PIGU: variants seen among roughly 807,000 people sequenced by gnomAD.
PIGU encodes the protein GPI-anchor transamidase component PIGU.
PIGU carries 24 observed loss-of-function variants against 49.9 expected under a neutral mutation model. That is an observed-to-expected ratio of 0.48 (90% CI 0.35 to 0.68). The LOEUF (loss-of-function observed/expected upper bound fraction) is 0.68. Ranked by LOEUF, PIGU falls within the 30% of genes least tolerant of loss-of-function variation. The pLI, the probability that PIGU is intolerant of heterozygous loss-of-function variation, is 0.01. For missense variants in PIGU, 490 were observed against 532.6 expected (o/e 0.92, Z 0.79); for synonymous variants, 220 against 205.7 (o/e 1.07, Z -0.59).
At chr20:34,611,428 T>G (rs1353885859) in intron 7 of PIGU, among the ~76,000 whole-genome samples, 2 of 151,708 alleles carry the variant, frequency 1.3e-5, no homozygotes, top group Non-Finnish European at 2.9e-5. Flanking sequence ...AGGCAGATCA[T>G]GAGGTCAGGA....
intron 4 of PIGU, among the ~76,000 whole-genome samples, chr20:34,642,445 T>G (rs1330722617): frequency 6.6e-6 from 1 of 151,794 alleles, no homozygotes; most frequent in Non-Finnish European, 1.5e-5. Flanking sequence ...AGCAAAAAAT[T>G]GTTTTAACTA....
chr20:34,598,384 A>C (rs1182705844), intron 7 of PIGU, among the ~76,000 whole-genome samples: 1 of 152,188 alleles, frequency 6.6e-6, no homozygotes, highest in East Asian at 1.9e-4. Flanking sequence ...GGTAGAGAAC[A>C]GCCAAGTCAA....
At chr20:34,630,701 C>T (rs139511757) in intron 6 of PIGU, among the ~76,000 whole-genome samples, 19 of 152,152 alleles carry the variant, frequency 1.2e-4, no homozygotes, top group African/African-American at 4.6e-4. Flanking sequence ...AGCTGGAGTA[C>T]AGTGGCACAA....
chr20:34,666,645 G>A (rs919173613), intron 1 of PIGU, among the ~76,000 whole-genome samples: 4 of 146,236 alleles, frequency 2.7e-5, no homozygotes, highest in Non-Finnish European at 3.0e-5. Flanking sequence ...AGCCTCCCAC[G>A]TAGCTGGGAC....
intron 7 of PIGU, among the ~76,000 whole-genome samples, chr20:34,610,003 G>A (rs970442219): frequency 1.3e-5 from 2 of 152,134 alleles, no homozygotes; most frequent in Admixed American, 6.5e-5. Context: ...CTTCCCCTTC[G>A]GCTATATTTG....
chr20:34,588,349 C>T, intron 8 of PIGU, 104 bp downstream of exon 8: 1 of 1,016,354 alleles, frequency 9.8e-7, no homozygotes, highest in Non-Finnish European at 1.4e-6. Context: ...AATGTTCATA[C>T]AGTTTTCCAT....
intron 7 of PIGU, among the ~76,000 whole-genome samples, chr20:34,596,262 A>T (rs1984193912): frequency 6.6e-6 from 1 of 152,262 alleles, no homozygotes; most frequent in Non-Finnish European, 1.5e-5. Context: ...AAATAACTTC[A>T]CAAGTCATGA....
intron 7 of PIGU, among the ~76,000 whole-genome samples, chr20:34,603,850 T>G (rs1238570564): frequency 1.2e-5 from 1 of 82,188 alleles, no homozygotes; most frequent in African/African-American, 4.8e-5. Context: ...TTCTAGACCT[T>G]TTAGTGGACA....
intron 6 of PIGU, among the ~76,000 whole-genome samples, chr20:34,622,471 C>T (rs1985278708): frequency 6.6e-6 from 1 of 151,894 alleles, no homozygotes; most frequent in African/African-American, 2.4e-5. Context: ...GAGCCGAGAT[C>T]ACGCCACTGC....
chr20:34,645,972 A>G (rs1032649784), intron 2 of PIGU, among the ~76,000 whole-genome samples: 1 of 152,220 alleles, frequency 6.6e-6, no homozygotes, highest in Admixed American at 6.5e-5. Context: ...GTTCTAAGAC[A>G]TATATAATAG....
In PIGU at chr20:34,656,149, T is replaced by C. The variant is rs1383046341; in HGVS notation, c.195+1031A>G. On this transcript the variant is annotated intron_variant, in intron 2 of 11. Transcript: ENST00000217446. ...CCACCATGCCCAGCTATTTTTTGTATGTTTAGTAGAGCTGGGGGTTTACCA... is the reference window on the plus strand; with the variant it reads ...CCACCATGCCCAGCTATTTTTTGTACGTTTAGTAGAGCTGGGGGTTTACCA... Among the ~76,000 whole-genome samples the C allele has an allele frequency of 4.3e-5, 5 of 116,144 alleles. 2 individuals are homozygous for C. The highest frequency in any genetic ancestry group is 1.6e-4 in the African/African-American group (5 of 31,228). The allele number at this position is 116,144 out of a possible 152,430, so 76.2% of individuals were successfully genotyped here.
intron 11 of PIGU, among the ~76,000 whole-genome samples, chr20:34,569,932 A>G (rs1376631899): frequency 1.3e-5 from 2 of 151,846 alleles, no homozygotes; most frequent in African/African-American, 4.8e-5. Flanking sequence ...GGATAAATAC[A>G]CCCCTTCACA....
intron 7 of PIGU, 149 bp from the exon 8 acceptor site, chr20:34,588,756 T>C: frequency 8.4e-6 from 6 of 713,152 alleles, no homozygotes; most frequent in Non-Finnish European, 1.3e-5. Context: ...AAGAAGGATG[T>C]AAGTGTTAAA....
intron 11 of PIGU, among the ~76,000 whole-genome samples, chr20:34,561,939 C>T (rs1304828406): frequency 6.6e-6 from 1 of 152,196 alleles, no homozygotes; most frequent in East Asian, 1.9e-4. Context: ...AGCTGACAGC[C>T]TGACTGTGCC....
chr20:34,653,869 T>A (rs1458022996), intron 2 of PIGU, among the ~76,000 whole-genome samples: 1 of 152,066 alleles, frequency 6.6e-6, no homozygotes, highest in Admixed American at 6.5e-5. Flanking sequence ...CTTTCTTTTT[T>A]TTTTTTGAGA....
intron 5 of PIGU, 76 bp downstream of exon 5, chr20:34,637,796 CAACA>C: frequency 6.3e-7 from 1 of 1,582,964 alleles, no homozygotes; most frequent in Non-Finnish European, 8.5e-7. Context: ...TCCAAAAATA[CAACA>C]AACAACATGG....
intron 9 of PIGU, among the ~76,000 whole-genome samples, chr20:34,584,418 T>G (rs1345865040): frequency 6.6e-6 from 1 of 151,632 alleles, no homozygotes. Context: ...CCAGAGTCCC[T>G]GTGGAGGACC....
At chr20:34,646,471 C>T (rs756583492) in intron 2 of PIGU, among the ~76,000 whole-genome samples, 1 of 152,078 alleles carries the variant, frequency 6.6e-6, no homozygotes, top group Non-Finnish European at 1.5e-5. Flanking sequence ...TGCAGTGGTA[C>T]GATCTTGGCT....
At chr20:34,603,442 G>A (rs1028318716) in intron 7 of PIGU, among the ~76,000 whole-genome samples, 1 of 152,094 alleles carries the variant, frequency 6.6e-6, no homozygotes, top group Non-Finnish European at 1.5e-5. Context: ...CCTTTATCCA[G>A]TTTTCAATAC....
Sources: allele counts gnomAD v4.1 joint callset (sites outside exome capture counted in the v4.1 genomes callset), GRCh38; gene constraint gnomAD v4.1.1; transcripts MANE v1.5; gene names NCBI Gene and HGNC (gene_info 2026-07-23, HGNC 2026-07-21).